AKNA: variants seen among roughly 807,000 people sequenced by gnomAD.
AKNA encodes AT-hook transcription factor.
In AKNA, 67 loss-of-function variants were observed where a neutral mutation model predicts 138.8. That is an observed-to-expected ratio of 0.48 (90% CI 0.40 to 0.59). AKNA has a LOEUF of 0.59. AKNA is among the 20% of genes least tolerant of loss of function. The probability of loss-of-function intolerance (pLI) is 0.00; values close to 1 mark genes in which losing one functional copy is unlikely to be tolerated. For synonymous variants in AKNA, 737 were observed against 754.4 expected, an observed-to-expected ratio of 0.98 and a Z score of 0.38; for missense variants, 1,813 against 1,880.4, an observed-to-expected ratio of 0.96 and a Z score of 0.66.
intron 3 of AKNA, 129 bp from the exon 4 acceptor site, chr9:114,374,296 T>C: frequency 1.1e-6 from 1 of 889,740 alleles, no homozygotes; most frequent in South Asian, 1.5e-5. Flanking sequence ...CATTCAATGG[T>C]GGGATCCGAG....
In AKNA at chr9:114,387,879, C is replaced by T. The variant is rs1474266802; in HGVS notation, c.-133G>A. On this transcript the variant is annotated 5_prime_UTR_variant, in exon 1 of 22. Coordinates refer to ENST00000374088, the MANE Select transcript of AKNA (RefSeq NM_001317950.2). ...CCTTACCTCTCTCGGGCTCCACCAC[C>T]GTCCTGCCGACCCAGTTTCAGGGGA... The T allele has an allele frequency of 8.8e-6, 4 of 455,060 alleles. No homozygotes were observed. The highest frequency in any genetic ancestry group is 1.4e-4 in the East Asian group (2 of 14,368). The allele number at this position is 455,060 out of a possible 1,614,324, so 28.2% of individuals were successfully genotyped here. A position where few individuals can be genotyped will look rare whatever the true frequency, so the allele number is the denominator to read the frequency against.
chr9:114,363,266 C>T (rs1383546776), intron 7 of AKNA, among the ~76,000 whole-genome samples: 1 of 152,190 alleles, frequency 6.6e-6, no homozygotes, highest in Non-Finnish European at 1.5e-5. Context: ...ATAGGAGGAT[C>T]ACAGGTAATA....
At chr9:114,330,905 G>A (rs758994449), downstream of AKNA, 3 of 1,547,384 alleles carry the variant, frequency 1.9e-6, no homozygotes, top group Non-Finnish European at 2.7e-6. Context: ...CGTGGGAACA[G>A]GGCAGGCCAG....
At chr9:114,339,833 C>T (rs1040399732) in intron 21 of AKNA, among the ~76,000 whole-genome samples, 16 of 152,196 alleles carry the variant, frequency 1.1e-4, no homozygotes, top group African/African-American at 3.9e-4. Flanking sequence ...GCGGTGGCTA[C>T]ACCTTGTAAT....
At chr9:114,348,553 GCTGA>G (rs988912346) in intron 15 of AKNA, among the ~76,000 whole-genome samples, 7 of 152,326 alleles carry the variant, frequency 4.6e-5, no homozygotes, top group East Asian at 1.9e-4. Flanking sequence ...AACCGGGAGG[GCTGA>G]CTAAGAGCAG....
At chr9:114,380,379 T>C (rs1029526986) in intron 2 of AKNA, among the ~76,000 whole-genome samples, 6 of 152,180 alleles carry the variant, frequency 3.9e-5, no homozygotes, top group South Asian at 2.1e-4. Context: ...GGGAGAGGAT[T>C]TGATGAACTA....
In AKNA at chr9:114,346,742, C is replaced by T. The variant is rs145547019; in HGVS notation, c.3441G>A (p.Glu1147=). The part of the protein sequence containing the change: ...ERLPGEPRGE[E]QIVPPGRQRA... ...GCTGCCTTCCTGGAGGGACAATCTG[C>T]TCTTCACCTCTAGGCTCACCAGGCA... is the stretch of plus-strand genomic sequence containing the variant. Residue 1147 remains glutamate, a synonymous_variant, in exon 17 of 22, where the codon GAG becomes GAA. Transcript: ENST00000374088. The T allele has an allele frequency of 1.9e-6, 3 of 1,613,232 alleles. No homozygotes were observed. The highest frequency in any genetic ancestry group is 1.7e-6 in the Non-Finnish European group (2 of 1,179,632).
At chr9:114,341,908 C>G (rs1830381631) in intron 20 of AKNA, 101 bp downstream of exon 20, 2 of 1,363,242 alleles carry the variant, frequency 1.5e-6, no homozygotes, top group Admixed American at 3.4e-5. Flanking sequence ...CTGTCCCAGA[C>G]TGGAACAACA....
intron 1 of AKNA, among the ~76,000 whole-genome samples, chr9:114,383,653 C>T (rs1171481045): frequency 6.6e-6 from 1 of 152,190 alleles, no homozygotes; most frequent in African/African-American, 2.4e-5. Context: ...AGTATGACTC[C>T]AGGCCTCCCA....
At chr9:114,364,748 TG>T in intron 6 of AKNA, 129 bp from the exon 7 acceptor site, 1 of 947,782 alleles carries the variant, frequency 1.1e-6, no homozygotes, top group East Asian at 2.5e-5. Flanking sequence ...CTGCCAAGCA[TG>T]GAGACGTGGG....
intron 15 of AKNA, among the ~76,000 whole-genome samples, chr9:114,349,435 A>G (rs763546077): frequency 2.4e-4 from 37 of 152,146 alleles, no homozygotes; most frequent in Admixed American, 3.9e-4. Context: ...TCATGGGCCC[A>G]ACTTCCAAAA....
chr9:114,367,434 G>T, intron 6 of AKNA, 109 bp downstream of exon 6: 1 of 1,345,426 alleles, frequency 7.4e-7, no homozygotes, highest in Non-Finnish European at 1.0e-6. Context: ...TGCAGAGGCA[G>T]GGGAATGACA....
chr9:114,337,947 T>A (rs1025004215), intron 21 of AKNA, among the ~76,000 whole-genome samples: 1 of 152,174 alleles, frequency 6.6e-6, no homozygotes, highest in South Asian at 2.1e-4. Context: ...CCCATTGAGA[T>A]GAAGCACGGA....
rs201336367 is a variant in AKNA at position 114,357,968 on chromosome 9, G to A, written c.2692C>T (p.Arg898Cys). 36 of 1,602,784 alleles carry A rather than the reference G, an allele frequency of 2.2e-5. 1 individual carries two copies. Among genetic ancestry groups the A allele is most frequent in the Non-Finnish European group, 2.7e-5 (32 of 1,175,600 alleles). ...TSLEGSGISERLPQKPLHRGG... is the reference protein window; with the variant it reads ...TSLEGSGISECLPQKPLHRGG... ...CGGTGCAAAGGCTTCTGTGGAAGGCGCTCAGAGATGCCGCTTCCCTCCAGG... is the reference window on the plus strand; with the variant it reads ...CGGTGCAAAGGCTTCTGTGGAAGGCACTCAGAGATGCCGCTTCCCTCCAGG... The change falls in exon 12 of 22, where the codon CGC becomes TGC. Residue 898 changes from arginine (R) to cysteine (C), a missense_variant. Transcript: ENST00000374088.
chr9:114,395,541 C>T (rs754147153), upstream of AKNA, among the ~76,000 whole-genome samples: 3 of 151,976 alleles, frequency 2.0e-5, no homozygotes, highest in Non-Finnish European at 4.4e-5. Context: ...CACTGCATAA[C>T]TCACACCGTA....
At chr9:114,392,125 C>CAAAAAAA (rs1834370267), upstream of AKNA, among the ~76,000 whole-genome samples, 1 of 113,390 alleles carries the variant, frequency 8.8e-6, no homozygotes, top group Non-Finnish European at 2.0e-5. Flanking sequence ...AAAAAAAAAT[C>CAAAAAAA]CACAGGGAGT....
intron 17 of AKNA, 45 bp downstream of exon 17, chr9:114,346,624 C>A: frequency 6.7e-7 from 1 of 1,498,036 alleles, no homozygotes; most frequent in South Asian, 1.2e-5. Flanking sequence ...CCAACATGCT[C>A]AGACTGTGGC....
intron 14 of AKNA, among the ~76,000 whole-genome samples, chr9:114,354,283 T>C (rs1024378957): frequency 3.9e-5 from 6 of 152,060 alleles, no homozygotes; most frequent in African/African-American, 7.2e-5. Flanking sequence ...TAGGCCTGTA[T>C]AGGGTCAGGG....
At chr9:114,393,902 G>A (rs776394824) in intron 1 of AKNA, among the ~76,000 whole-genome samples, 19 of 152,290 alleles carry the variant, frequency 1.2e-4, no homozygotes, top group African/African-American at 1.7e-4. Context: ...GCCATGCGCC[G>A]TGGCTCACAC....
Sources: gnomAD v4.1 joint callset for allele counts (sites outside exome capture counted in the v4.1 genomes callset) on GRCh38, gnomAD v4.1.1 for gene constraint, MANE v1.5 for transcripts, NCBI Gene and HGNC (gene_info 2026-07-23, HGNC 2026-07-21) for gene names.